The following CCSER1 variants were observed in gnomAD, a reference collection of about 807,000 sequenced individuals.
CCSER1 encodes the protein coiled-coil serine rich protein 1.
In CCSER1, 41 loss-of-function variants were observed where a neutral mutation model predicts 82.0. The observed-to-expected ratio is 0.50, with a 90% CI of 0.39 to 0.65. CCSER1 has a LOEUF of 0.65. Among genes scored for constraint, CCSER1 ranks in the 30% least tolerant of loss-of-function variants. CCSER1 has a pLI of 0.00. For missense variants in CCSER1, 1,119 were observed against 1,064.2 expected, an observed-to-expected ratio of 1.05 and a Z score of -0.72; for synonymous variants, 414 against 383.9, an observed-to-expected ratio of 1.08 and a Z score of -0.92.
intron 10 of CCSER1, among the ~76,000 whole-genome samples, chr4:91,447,293 C>T (rs1922231): frequency 0.82 from 124,015 of 152,112 alleles, 50,855 homozygotes; most frequent in East Asian, 0.92. Context: ...TGATTCTCCC[C>T]TTTTCTTCTG....
At chr4:90,479,791 GT>G (rs1242101732) in intron 5 of CCSER1, among the ~76,000 whole-genome samples, 1 of 152,256 alleles carries the variant, frequency 6.6e-6, no homozygotes, top group African/African-American at 2.4e-5. Context: ...GGACATTTGG[GT>G]TGGGTCCAAG....
intron 10 of CCSER1, among the ~76,000 whole-genome samples, chr4:91,132,627 T>G (rs1465226076): frequency 6.6e-6 from 1 of 152,196 alleles, no homozygotes; most frequent in African/African-American, 2.4e-5. Flanking sequence ...GAGTTCACAG[T>G]CAAGTGAAGC....
At chr4:91,331,417 G>T (rs968903267) in intron 10 of CCSER1, among the ~76,000 whole-genome samples, 2 of 152,066 alleles carry the variant, frequency 1.3e-5, no homozygotes, top group African/African-American at 2.4e-5. Flanking sequence ...GGGCTTAAAA[G>T]ATCTGGCTCC....
chr4:91,219,169 C>G (rs62310759), intron 10 of CCSER1, among the ~76,000 whole-genome samples: 8,828 of 152,088 alleles, frequency 0.058, 504 homozygotes, highest in African/African-American at 0.15. Context: ...TCTAATCATT[C>G]CTCAAAAACA....
chr4:91,359,782 C>T (rs12507382), intron 10 of CCSER1, among the ~76,000 whole-genome samples: 42,078 of 151,482 alleles, frequency 0.28, 6,630 homozygotes, highest in Middle Eastern at 0.44. Flanking sequence ...CATAATTTCA[C>T]GTCCAGCAGT....
intron 10 of CCSER1, among the ~76,000 whole-genome samples, chr4:91,363,932 G>A (rs1363898627): frequency 6.6e-6 from 1 of 151,538 alleles, no homozygotes; most frequent in Non-Finnish European, 1.5e-5. Flanking sequence ...CCATGGATTT[G>A]GATCTTTAGT....
chr4:91,363,135 A>C (rs1749360380), intron 10 of CCSER1, among the ~76,000 whole-genome samples: 1 of 151,918 alleles, frequency 6.6e-6, no homozygotes, highest in African/African-American at 2.4e-5. Flanking sequence ...AAAACAAAAA[A>C]CAAAAACAAA....
intron 7 of CCSER1, among the ~76,000 whole-genome samples, chr4:90,737,355 C>G (rs1012278922): frequency 6.6e-6 from 1 of 152,048 alleles, no homozygotes; most frequent in Non-Finnish European, 1.5e-5. Context: ...CTTTATTTCT[C>G]CTTTATATAT....
chr4:91,004,339 C>T (rs959950777), intron 9 of CCSER1, among the ~76,000 whole-genome samples: 4 of 152,206 alleles, frequency 2.6e-5, no homozygotes, highest in African/African-American at 9.6e-5. Context: ...AAGTCATTGT[C>T]TCCCAACTGG....
intron 10 of CCSER1, among the ~76,000 whole-genome samples, chr4:91,574,151 A>G (rs1429518438): frequency 6.6e-6 from 1 of 152,166 alleles, no homozygotes; most frequent in South Asian, 2.1e-4. Flanking sequence ...AAAAAAAGCA[A>G]TTCAACAATT....
chr4:91,171,910 T>C (rs1385374189), intron 10 of CCSER1, among the ~76,000 whole-genome samples: 1 of 152,118 alleles, frequency 6.6e-6, no homozygotes, highest in Non-Finnish European at 1.5e-5. Context: ...TATTTAAACT[T>C]TTATGATGTT....
intron 1 of CCSER1, 93 bp from the exon 2 acceptor site, chr4:90,308,151 A>G (rs995094637): frequency 1.0e-5 from 10 of 962,458 alleles, no homozygotes; most frequent in South Asian, 8.9e-5. Context: ...ACTAAATTCT[A>G]TTTTGTGTCT....
rs1284467377 is a variant in CCSER1, at chr4:90,923,473, TA to T, written c.2172+28del. The T allele has an allele frequency of 6.1e-6, 9 of 1,484,372 alleles. No homozygotes were observed. In the South Asian group the frequency reaches 9.7e-5, roughly 16 times the overall value. The allele number at this position is 1,484,372 out of a possible 1,614,324, so 92.0% of individuals were successfully genotyped here. On this transcript the variant is annotated intron_variant, in intron 9 of 10. Transcript: ENST00000509176. ...GTAAGTAGCTCTGTAAAACCATTTT[TA>T]ACTTCATTATTGGCATTCAGACCTC...
chr4:90,273,225 G>A (rs547279665), intron 1 of CCSER1, among the ~76,000 whole-genome samples: 2 of 152,058 alleles, frequency 1.3e-5, no homozygotes, highest in African/African-American at 4.8e-5. Context: ...GAGGGTAGTA[G>A]TGGGGGTGGA....
intron 10 of CCSER1, among the ~76,000 whole-genome samples, chr4:91,216,514 G>GT: frequency 6.6e-6 from 1 of 152,040 alleles, no homozygotes; most frequent in East Asian, 1.9e-4. Context: ...TAGAGACGGG[G>GT]TTTCACCGTG....
At chr4:90,551,706 C>CTCTCTCTCTCTATATATATATATATA in intron 5 of CCSER1, among the ~76,000 whole-genome samples, 2 of 104,236 alleles carry the variant, frequency 1.9e-5, no homozygotes, top group African/African-American at 9.1e-5. Context: ...CTCTCTCTCT[C>CTCTCTCTCTCTATATATATATATATA]TATATATATA....
chr4:91,141,770 T>G (rs1729055800), intron 10 of CCSER1, among the ~76,000 whole-genome samples: 1 of 152,210 alleles, frequency 6.6e-6, no homozygotes, highest in Non-Finnish European at 1.5e-5. Flanking sequence ...TTCCCATTTC[T>G]CTGCAGCCTC....
intron 7 of CCSER1, among the ~76,000 whole-genome samples, chr4:90,778,789 A>AC (rs397945673): frequency 6.6e-6 from 1 of 151,364 alleles, no homozygotes; most frequent in African/African-American, 2.4e-5. Flanking sequence ...TAAAAAAAAA[A>AC]CTCTTTATTA....
intron 10 of CCSER1, among the ~76,000 whole-genome samples, chr4:91,490,123 C>T (rs976599284): frequency 6.6e-6 from 1 of 152,090 alleles, no homozygotes; most frequent in African/African-American, 2.4e-5. Flanking sequence ...GAAAAGGGAG[C>T]CTTCCTCAAC....
Sources: gnomAD v4.1 joint callset for allele counts (sites outside exome capture counted in the v4.1 genomes callset) on GRCh38, gnomAD v4.1.1 for gene constraint, MANE v1.5 for transcripts, NCBI Gene and HGNC (gene_info 2026-07-23, HGNC 2026-07-21) for gene names.